SLC6A11: variants seen among roughly 807,000 people sequenced by gnomAD.
SLC6A11 encodes sodium- and chloride-dependent GABA transporter 3.
Under a neutral mutation model 74.8 loss-of-function variants are expected in SLC6A11, and 25 were observed. That is an observed-to-expected ratio of 0.33 (90% CI 0.24 to 0.47). The LOEUF is 0.47. SLC6A11 is among the 20% of genes least tolerant of loss of function. The probability of loss-of-function intolerance (pLI) is 1.00; values close to 1 mark genes in which losing one functional copy is unlikely to be tolerated. For missense variants in SLC6A11, 574 were observed against 837.0 expected (o/e 0.69, Z 3.88); for synonymous variants, 330 against 330.2 (o/e 1.00, Z 0.01).
chr3:10,874,910 C>T, intron 5 of SLC6A11, 51 bp from the exon 6 acceptor site: 1 of 1,537,376 alleles, frequency 6.5e-7, no homozygotes, highest in Non-Finnish European at 8.8e-7. Flanking sequence ...AGTGAAGTAA[C>T]CCCATTGCTC....
chr3:10,905,625 C>T (rs558018635), intron 6 of SLC6A11, among the ~76,000 whole-genome samples: 5 of 152,342 alleles, frequency 3.3e-5, no homozygotes, highest in East Asian at 3.9e-4. Context: ...TTCATTAGTT[C>T]CTTTCTAGAC....
rs1459441165 is a variant in SLC6A11, at chr3:10,870,110, A to C, written c.757-4851A>C. 5.3e-5 allele frequency among the ~76,000 whole-genome samples: 8 copies of C among 152,014 alleles called. 1 individual carries two copies. In the East Asian group the frequency reaches 1.5e-3, roughly 29 times the overall value. ...CTCCTATTCCTGCTTATCTTTGGGG[A>C]CCAAGCTCCAGCCCATGTTCACAGA... On this transcript the variant is annotated intron_variant, in intron 5 of 13. Coordinates refer to ENST00000254488, the MANE Select transcript of SLC6A11 (RefSeq NM_014229.3).
At chr3:10,859,004 C>A (rs1053055511) in intron 5 of SLC6A11, among the ~76,000 whole-genome samples, 1 of 152,082 alleles carries the variant, frequency 6.6e-6, no homozygotes, top group Non-Finnish European at 1.5e-5. Flanking sequence ...AGGTAGAGAT[C>A]AGCTTATGAA....
At chr3:10,882,059 T>A (rs966041292) in intron 6 of SLC6A11, among the ~76,000 whole-genome samples, 1 of 152,146 alleles carries the variant, frequency 6.6e-6, no homozygotes, top group Admixed American at 6.5e-5. Context: ...GCATGAAGGC[T>A]GATAAAGTGT....
intron 3 of SLC6A11, among the ~76,000 whole-genome samples, chr3:10,822,251 A>G (rs1359777566): frequency 6.6e-6 from 1 of 152,220 alleles, no homozygotes; most frequent in African/African-American, 2.4e-5. Flanking sequence ...CGTGCTGGCC[A>G]TGGTGCGGGG....
chr3:10,866,925 G>T (rs768425232), intron 5 of SLC6A11, among the ~76,000 whole-genome samples: 1 of 152,174 alleles, frequency 6.6e-6, no homozygotes, highest in Non-Finnish European at 1.5e-5. Context: ...ATCTTTGTGG[G>T]AGTTATGCCA....
chr3:10,892,178 C>T (rs1056879475), intron 6 of SLC6A11, among the ~76,000 whole-genome samples: 8 of 152,240 alleles, frequency 5.3e-5, no homozygotes, highest in African/African-American at 1.9e-4. Context: ...TGATGTCCTT[C>T]TCTGAAAACT....
chr3:10,910,015 T>C (rs1695365815), intron 6 of SLC6A11, among the ~76,000 whole-genome samples: 1 of 152,196 alleles, frequency 6.6e-6, no homozygotes, highest in Non-Finnish European at 1.5e-5. Flanking sequence ...TGTTCTTGTC[T>C]TTCCTCTTTC....
At chr3:10,914,489 A>G (rs1695429075) in intron 7 of SLC6A11, among the ~76,000 whole-genome samples, 1 of 152,202 alleles carries the variant, frequency 6.6e-6, no homozygotes, top group South Asian at 2.1e-4. Context: ...TAATGTGGGC[A>G]GGTCCAACAT....
At chr3:10,881,509 G>A (rs1023101464) in intron 6 of SLC6A11, among the ~76,000 whole-genome samples, 1 of 152,216 alleles carries the variant, frequency 6.6e-6, no homozygotes, top group Non-Finnish European at 1.5e-5. Context: ...AGGTCCACTG[G>A]GAAAGTCAGG....
At chr3:10,818,261 G>A (rs1694090706) in intron 1 of SLC6A11, among the ~76,000 whole-genome samples, 1 of 152,042 alleles carries the variant, frequency 6.6e-6, no homozygotes, top group South Asian at 2.1e-4. Context: ...TCATACGTTA[G>A]ATTCTAGAGG....
At chr3:10,893,011 G>A (rs1301674866) in intron 6 of SLC6A11, among the ~76,000 whole-genome samples, 1 of 152,140 alleles carries the variant, frequency 6.6e-6, no homozygotes, top group Non-Finnish European at 1.5e-5. Flanking sequence ...CTCCTATGAT[G>A]GCTTGCAAAC....
chr3:10,933,360 A>G (rs1575709295), intron 11 of SLC6A11, 107 bp downstream of exon 11: 2 of 760,412 alleles, frequency 2.6e-6, no homozygotes, highest in East Asian at 4.9e-5. Context: ...ATCTTGGTCT[A>G]TACTGGCCTC....
At position 10,875,036 on chromosome 3, in the gene SLC6A11, G is replaced by A. The variant is rs752826344; in HGVS notation, c.832G>A (p.Ala278Thr). 13 of 1,613,498 alleles carry A rather than the reference G, an allele frequency of 8.1e-6. 2 individuals carry two copies. In the South Asian group the frequency reaches 1.4e-4, roughly 18 times the overall value. Residue 278 changes from alanine (A) to threonine (T), a missense_variant, in exon 6 of 14, where the codon GCC becomes ACC. Around this residue, in one of 4 missense-constraint regions of SLC6A11, gnomAD observed 215 missense variants for 357.9 expected, o/e 0.60. Coordinates refer to ENST00000254488, the MANE Select transcript of SLC6A11 (RefSeq NM_014229.3). ...GATACGAGGGGTCACGTTGCCCGGG[G>A]CCTCAGAGGGCATCAAGTTCTACTT... The part of the protein sequence containing the change: ...LLIRGVTLPG[A>T]SEGIKFYLYP...
At chr3:10,917,701 G>A (rs752433485) in intron 7 of SLC6A11, among the ~76,000 whole-genome samples, 1 of 152,180 alleles carries the variant, frequency 6.6e-6, no homozygotes, top group South Asian at 2.1e-4. Flanking sequence ...GCTCCCAAGA[G>A]CAGGGGACAG....
At chr3:10,845,285 G>A (rs1255335695) in intron 5 of SLC6A11, among the ~76,000 whole-genome samples, 1 of 152,156 alleles carries the variant, frequency 6.6e-6, no homozygotes, top group Non-Finnish European at 1.5e-5. Context: ...TCCTTCCAGG[G>A]GGCTCTGGTT....
chr3:10,903,877 C>T (rs979395863), intron 6 of SLC6A11, among the ~76,000 whole-genome samples: 2 of 152,174 alleles, frequency 1.3e-5, no homozygotes, highest in Admixed American at 6.5e-5. Context: ...CCCAGTCTCC[C>T]CAATTGGATA....
At chr3:10,877,240 G>A (rs796334848) in intron 6 of SLC6A11, among the ~76,000 whole-genome samples, 36 of 152,326 alleles carry the variant, frequency 2.4e-4, no homozygotes, top group African/African-American at 8.7e-4. Flanking sequence ...CCTGTGTCGG[G>A]GGGTGGTCCC....
intron 6 of SLC6A11, among the ~76,000 whole-genome samples, chr3:10,876,323 C>T (rs993034443): frequency 1.3e-5 from 2 of 152,222 alleles, no homozygotes; most frequent in Non-Finnish European, 2.9e-5. Context: ...AGGAAATTAG[C>T]TTCAACTGTT....
Sources: gnomAD v4.1 joint callset for allele counts (sites outside exome capture counted in the v4.1 genomes callset) on GRCh38, gnomAD v4.1.1 for gene constraint, gnomAD v4.1.1 regional missense constraint, MANE v1.5 for transcripts, NCBI Gene and HGNC (gene_info 2026-07-23, HGNC 2026-07-21) for gene names.